WAPL: variants seen among roughly 807,000 people sequenced by gnomAD.
WAPL encodes the protein WAPL cohesin release factor, also known as wings apart-like protein homolog.
WAPL carries 5 observed loss-of-function variants against 121.0 expected under a neutral mutation model. That is an observed-to-expected ratio of 0.04 (90% CI 0.02 to 0.09). WAPL has a LOEUF of 0.09. Among genes scored for constraint, WAPL ranks in the 10% least tolerant of loss-of-function variants. WAPL has a pLI of 1.00. For synonymous variants in WAPL, 480 were observed against 481.5 expected, an observed-to-expected ratio of 1.00 and a Z score of 0.04; for missense variants, 999 against 1,410.8, an observed-to-expected ratio of 0.71 and a Z score of 4.68.
intron 17 of WAPL, among the ~76,000 whole-genome samples, chr10:86,439,775 G>A (rs1849415929): frequency 6.6e-6 from 1 of 152,186 alleles, no homozygotes; most frequent in African/African-American, 2.4e-5. Context: ...CAGTGGCAAT[G>A]TGCAATGTCC....
At chr10:86,445,078 T>A (rs1271665433) in intron 16 of WAPL, among the ~76,000 whole-genome samples, 1 of 152,070 alleles carries the variant, frequency 6.6e-6, no homozygotes, top group Non-Finnish European at 1.5e-5. Flanking sequence ...GAACATATGG[T>A]CGTCCCTCTG....
intron 2 of WAPL, among the ~76,000 whole-genome samples, chr10:86,506,457 T>C (rs1842350002): frequency 1.3e-5 from 2 of 152,326 alleles, no homozygotes; most frequent in South Asian, 4.1e-4. Context: ...CACTATGACA[T>C]CTAAACTGCA....
intron 2 of WAPL, among the ~76,000 whole-genome samples, chr10:86,506,612 ACTCT>A (rs777119402): frequency 1.3e-5 from 2 of 151,744 alleles, no homozygotes; most frequent in Admixed American, 6.6e-5. Flanking sequence ...ACAAAGCAAG[ACTCT>A]CTCTACAAAA....
rs772528239 is a variant in WAPL at position 86,497,203 on chromosome 10, G to T, written c.1642C>A (p.Arg548=). 1.2e-6 allele frequency: 2 copies of T among 1,608,780 alleles called. No individual in the cohort carries two copies. Among genetic ancestry groups the T allele is most frequent in the South Asian group, 2.2e-5 (2 of 90,256 alleles). ...NTRKIFSGPK[R]SPTKAVYNAR... Reference sequence around the variant, plus strand: ...ATCACTGACAGTGCTTTACTTACCCGTTTGGGGCCACTAAAAATCTTTCTG... The same window carrying T: ...ATCACTGACAGTGCTTTACTTACCCTTTTGGGGCCACTAAAAATCTTTCTG... Residue 548 remains arginine, a splice_region_variant and synonymous_variant, in exon 4 of 19, where the codon CGG becomes AGG. Coordinates refer to ENST00000298767, the MANE Select transcript of WAPL (RefSeq NM_015045.5).
intron 12 of WAPL, among the ~76,000 whole-genome samples, chr10:86,455,686 A>C (rs1395546556): frequency 4.7e-5 from 6 of 128,264 alleles, no homozygotes; most frequent in Non-Finnish European, 1.8e-5. Context: ...TAAATACTAA[A>C]AAAAAAAAAA....
intron 1 of WAPL, among the ~76,000 whole-genome samples, chr10:86,518,545 T>G (rs538053677): frequency 6.6e-6 from 1 of 152,160 alleles, no homozygotes; most frequent in Non-Finnish European, 1.5e-5. Context: ...CCATCTCTAC[T>G]AAAAATACAA....
At chr10:86,455,221 C>T (rs751995565) in intron 12 of WAPL, among the ~76,000 whole-genome samples, 34 of 152,186 alleles carry the variant, frequency 2.2e-4, no homozygotes, top group Non-Finnish European at 3.7e-4. Context: ...GCCATGATGA[C>T]GATGGCAGTT....
At chr10:86,506,276 G>C (rs147538197) in intron 2 of WAPL, among the ~76,000 whole-genome samples, 1 of 152,216 alleles carries the variant, frequency 6.6e-6, no homozygotes, top group Non-Finnish European at 1.5e-5. Context: ...TACTTTGAGG[G>C]TGAGGAAGGA....
rs137966844 is a variant in WAPL at position 86,474,929 on chromosome 10, T to C, written c.1645-956A>G. On this transcript the variant is annotated intron_variant, in intron 4 of 18. Transcript: ENST00000298767. ...ACCACTCAAGAGTTCTCAAATTTTA[T>C]CAAGGTAAATATAATACATATACCA... Among the ~76,000 whole-genome samples the C allele has an allele frequency of 1.2e-3, 176 of 152,260 alleles. 2 individuals are homozygous for C. The highest frequency in any genetic ancestry group is 2.2e-3 in the Non-Finnish European group (153 of 68,022).
At chr10:86,509,589 T>C (rs960902076) in intron 2 of WAPL, among the ~76,000 whole-genome samples, 8 of 152,170 alleles carry the variant, frequency 5.3e-5, no homozygotes, top group Non-Finnish European at 1.2e-4. Context: ...AGTGAGTCCA[T>C]CTTGTTCATG....
chr10:86,475,519 T>C (rs1358232742), intron 4 of WAPL, among the ~76,000 whole-genome samples: 1 of 152,226 alleles, frequency 6.6e-6, no homozygotes, highest in African/African-American at 2.4e-5. Context: ...TAATATATTA[T>C]CTCTAATAAA....
intron 1 of WAPL, 107 bp from the exon 2 acceptor site, chr10:86,518,198 AC>A: frequency 9.3e-7 from 1 of 1,077,648 alleles, no homozygotes; most frequent in Non-Finnish European, 1.3e-6. Context: ...TTTGACACTC[AC>A]CACACAGACT....
intron 17 of WAPL, among the ~76,000 whole-genome samples, chr10:86,440,506 A>G (rs112906947): frequency 0.023 from 3,497 of 151,692 alleles, 77 homozygotes; most frequent in Admixed American, 0.044. Flanking sequence ...TCACCGTGTT[A>G]GCCAGGATGG....
Position 86,472,540 on chromosome 10 carries a change from AGATATT to A in WAPL, c.1893+66_1893+71del, listed in dbSNP as rs1464676288. The A allele has an allele frequency of 3.8e-6, 6 of 1,572,036 alleles. No individual in the cohort carries two copies. The African/African-American group carries it at 8.2e-5, about 21-fold the overall frequency. ...GTATCAGTATACTGATATTTGTTGA[AGATATT>A]AAATGGCTAAATGTTACATACAAAA... On this transcript the variant is annotated intron_variant, in intron 6 of 18. Transcript: ENST00000298767. The surrounding 1 kb of genome is among the most constrained non-coding windows in gnomAD (Gnocchi z 4.2).
intron 4 of WAPL, among the ~76,000 whole-genome samples, chr10:86,481,157 A>G (rs566828951): frequency 6.6e-6 from 1 of 152,322 alleles, no homozygotes; most frequent in South Asian, 2.1e-4. Flanking sequence ...ACAACGTTAA[A>G]AAGAAACAAT....
intron 12 of WAPL, among the ~76,000 whole-genome samples, chr10:86,455,591 C>T (rs1424124730): frequency 6.7e-6 from 1 of 149,936 alleles, no homozygotes; most frequent in Non-Finnish European, 1.5e-5. Flanking sequence ...CCCTTGTTCA[C>T]ATGTTTATCT....
At chr10:86,482,560 G>A (rs965319324) in intron 4 of WAPL, among the ~76,000 whole-genome samples, 3 of 152,112 alleles carry the variant, frequency 2.0e-5, no homozygotes, top group African/African-American at 7.2e-5. Flanking sequence ...ACCTGATCCC[G>A]AGCCTACAGC....
chr10:86,461,275 C>T lies in WAPL; in HGVS notation c.2383G>A (p.Ala795Thr), dbSNP rs1234011532. 6.2e-7 allele frequency: 1 copy of T among 1,609,960 alleles called. No individual in the cohort carries two copies. The highest frequency in any genetic ancestry group is 8.5e-7 in the Non-Finnish European group (1 of 1,178,754). Residue 795 changes from alanine to threonine, a missense_variant, in exon 10 of 19, where the codon GCT becomes ACT. Around this residue, in one of 7 missense-constraint regions of WAPL, gnomAD observed 118 missense variants for 318.3 expected, o/e 0.37. Coordinates refer to ENST00000298767, the MANE Select transcript of WAPL (RefSeq NM_015045.5). ...DLENITTGHL[A>T]METLLSLTSK... is the part of the protein sequence containing the mutation. ...GTAAGGGATAATAATGTCTCCATAG[C>T]TAAATGCCCAGTCTAAAAACCAGAA...
chr10:86,500,601 C>G lies in WAPL; in HGVS notation c.642G>C (p.Gln214His). Residue 214 changes from glutamine to histidine, a missense_variant, in exon 3 of 19, where the codon CAG becomes CAC. Physicochemically the swap from Gln to His is conservative, Grantham distance 24. Transcript: ENST00000298767. ...ATGGTGATTCTGGCCTTTTCCCAAA[C>G]TGGGAGTTCCAAGTATCATTTGTTT... The part of the protein sequence containing the change: ...IKETNDTWNS[Q>H]FGKRPESPSE... The G allele has an allele frequency of 6.2e-7, 1 of 1,614,176 alleles. No individual in the cohort carries two copies. The highest frequency in any genetic ancestry group is 1.1e-5 in the South Asian group (1 of 91,074).
Sources: gnomAD v4.1 joint callset for allele counts (sites outside exome capture counted in the v4.1 genomes callset) on GRCh38, gnomAD v4.1.1 for gene constraint, gnomAD v4.1.1 regional missense constraint, Gnocchi (gnomAD v3.1) non-coding constraint, MANE v1.5 for transcripts, NCBI Gene and HGNC (gene_info 2026-07-23, HGNC 2026-07-21) for gene names.